Variants in MAP3K20 observed in about 807,000 individuals in gnomAD.
MAP3K20 encodes the protein mitogen-activated protein kinase kinase kinase 20.
A neutral mutation model predicts 85.7 loss-of-function variants in MAP3K20; 40 were observed. The ratio of observed to expected loss-of-function variants is 0.47; its 90% CI spans 0.36 to 0.61. The LOEUF (loss-of-function observed/expected upper bound fraction) is 0.61, where lower values mean the gene tolerates loss of function less well. MAP3K20 is among the 20% of genes least tolerant of loss of function. The pLI, the probability that MAP3K20 is intolerant of heterozygous loss-of-function variation, is 0.00. For missense variants in MAP3K20, 817 were observed against 961.7 expected (o/e 0.85, Z 1.99); for synonymous variants, 325 against 327.7 (o/e 0.99, Z 0.09).
chr2:173,141,923 A>G (rs1688987187), intron 2 of MAP3K20, among the ~76,000 whole-genome samples: 1 of 152,376 alleles, frequency 6.6e-6, no homozygotes, highest in Non-Finnish European at 1.5e-5. Flanking sequence ...GACCTGTAAT[A>G]TGCCAAAAGA....
chr2:173,214,755 A>G (rs1051945512), intron 10 of MAP3K20, among the ~76,000 whole-genome samples: 9 of 152,268 alleles, frequency 5.9e-5, no homozygotes, highest in African/African-American at 1.7e-4. Context: ...CAAGAAGACC[A>G]TAATTTTCAT....
At chr2:173,096,011 C>T (rs1212371935) in intron 2 of MAP3K20, among the ~76,000 whole-genome samples, 4 of 152,148 alleles carry the variant, frequency 2.6e-5, no homozygotes, top group Admixed American at 2.6e-4. Context: ...TAAATATTTG[C>T]ATACCTACCA....
At chr2:173,185,658 T>C (rs78557324) in intron 4 of MAP3K20, among the ~76,000 whole-genome samples, 4,032 of 152,330 alleles carry the variant, frequency 0.026, 175 homozygotes, top group African/African-American at 0.091. Flanking sequence ...GGTTGATTCA[T>C]GCATTTTAAA....
intron 16 of MAP3K20, among the ~76,000 whole-genome samples, chr2:173,250,045 TA>T (rs1292816576): frequency 6.6e-6 from 1 of 152,196 alleles, no homozygotes; most frequent in Non-Finnish European, 1.5e-5. Flanking sequence ...TTGTTAAGGG[TA>T]TAACGCATTT....
At chr2:173,114,579 G>C (rs758763210) in intron 2 of MAP3K20, among the ~76,000 whole-genome samples, 1 of 152,186 alleles carries the variant, frequency 6.6e-6, no homozygotes, top group South Asian at 2.1e-4. Flanking sequence ...CCTTTTAGCA[G>C]TTCTTGTAGT....
At chr2:173,223,485 G>T in intron 11 of MAP3K20, 1 of 985,344 alleles carries the variant, frequency 1.0e-6, no homozygotes, top group Non-Finnish European at 1.2e-6. Context: ...AAAAATAAGT[G>T]ATTTCAGTAA....
intron 16 of MAP3K20, among the ~76,000 whole-genome samples, chr2:173,257,957 A>C (rs963630682): frequency 6.6e-6 from 1 of 152,212 alleles, no homozygotes; most frequent in African/African-American, 2.4e-5. Flanking sequence ...AATTTAATTA[A>C]CATACTATCG....
intron 16 of MAP3K20, among the ~76,000 whole-genome samples, chr2:173,244,650 A>G (rs1559297156): frequency 6.6e-6 from 1 of 152,196 alleles, no homozygotes; most frequent in East Asian, 1.9e-4. Flanking sequence ...CTGTAAACCT[A>G]TATAAAACAG....
Position 173,239,458 on chromosome 2 carries a change from G to T in MAP3K20, c.1321G>T (p.Val441Phe). 1 of 1,613,612 alleles carries T rather than the reference G, an allele frequency of 6.2e-7. No individual in the cohort carries two copies. The highest frequency in any genetic ancestry group is 8.5e-7 in the Non-Finnish European group (1 of 1,179,876). Residue 441 changes from valine (V) to phenylalanine (F), a missense_variant, in exon 16 of 20, where the codon GTT becomes TTT. Physicochemically the swap from Val to Phe is conservative, Grantham distance 50. Around this residue, in one of 4 missense-constraint regions of MAP3K20, gnomAD observed 454 missense variants for 476.9 expected, o/e 0.95. Coordinates refer to ENST00000375213, the MANE Select transcript of MAP3K20 (RefSeq NM_016653.3). ...GGAAAAAATAGTGAACCTGGAACTG[G>T]TTTTTGGTTTTCACTTGAAACCAGG... Reference protein sequence around the residue: ...NEEKIVNLELVFGFHLKPGTG... With the variant: ...NEEKIVNLELFFGFHLKPGTG...
At chr2:173,134,366 TTG>T (rs72052198) in intron 2 of MAP3K20, among the ~76,000 whole-genome samples, 23,035 of 78,684 alleles carry the variant, frequency 0.29, 4,718 homozygotes, top group African/African-American at 0.42. Flanking sequence ...CCTGGCTAAA[TTG>T]TGTGTGTGTG....
At chr2:173,111,863 C>G (rs757274214) in intron 2 of MAP3K20, among the ~76,000 whole-genome samples, 2 of 152,066 alleles carry the variant, frequency 1.3e-5, no homozygotes, top group African/African-American at 4.8e-5. Context: ...AGTGTGATGC[C>G]TCCAGATTTA....
At chr2:173,080,537 ACTC>A (rs1379270898) in intron 1 of MAP3K20, among the ~76,000 whole-genome samples, 1 of 152,188 alleles carries the variant, frequency 6.6e-6, no homozygotes, top group Non-Finnish European at 1.5e-5. Flanking sequence ...GAAAAAGTGA[ACTC>A]CTGAGATAAT....
intron 2 of MAP3K20, among the ~76,000 whole-genome samples, chr2:173,101,898 G>A (rs1282876734): frequency 6.6e-6 from 1 of 152,110 alleles, no homozygotes; most frequent in Non-Finnish European, 1.5e-5. Flanking sequence ...TCCCGGTTAG[G>A]ACATCCAGTT....
At chr2:173,110,713 A>G (rs757055122) in intron 2 of MAP3K20, among the ~76,000 whole-genome samples, 7 of 152,042 alleles carry the variant, frequency 4.6e-5, no homozygotes, top group Non-Finnish European at 1.0e-4. Context: ...TAGAATAATA[A>G]TCTCCTCCAA....
chr2:173,127,405 T>C (rs1352898919), intron 2 of MAP3K20, among the ~76,000 whole-genome samples: 1 of 152,244 alleles, frequency 6.6e-6, no homozygotes, highest in Admixed American at 6.5e-5. Context: ...GAAATTTTGC[T>C]TTTTGAAGAT....
At chr2:173,091,339 A>G in intron 2 of MAP3K20, 149 bp downstream of exon 2, 7 of 740,892 alleles carry the variant, frequency 9.4e-6, no homozygotes, top group Non-Finnish European at 1.4e-5. Context: ...CCATTCTGGG[A>G]GCCCCATAAA....
chr2:173,188,750 GTTC>G (rs1690566639), intron 5 of MAP3K20, among the ~76,000 whole-genome samples: 1 of 152,042 alleles, frequency 6.6e-6, no homozygotes, highest in African/African-American at 2.4e-5. Flanking sequence ...GTATTCTTTG[GTTC>G]TTCTTAGACT....
At chr2:173,185,318 C>T (rs1023369047) in intron 4 of MAP3K20, among the ~76,000 whole-genome samples, 4 of 152,122 alleles carry the variant, frequency 2.6e-5, no homozygotes, top group African/African-American at 9.7e-5. Flanking sequence ...AATAAAATCC[C>T]TTTTGCCTGT....
chr2:173,196,955 GTT>G lies in MAP3K20; in HGVS notation c.583-1060_583-1059del, dbSNP rs11305049. Among the ~76,000 whole-genome samples the G allele has an allele frequency of 2.1e-4, 32 of 149,582 alleles. 1 individual carries two copies. The highest frequency in any genetic ancestry group is 5.4e-4 in the African/African-American group (22 of 40,818). On this transcript the variant is annotated intron_variant, in intron 7 of 19. Transcript: ENST00000375213. ...TGGATAACTGACTGTCTTTGGGCAA[GTT>G]TTTTTTTTTTAACTTTTTAAATAGT...
Sources: allele counts gnomAD v4.1 joint callset (sites outside exome capture counted in the v4.1 genomes callset), GRCh38; gene constraint gnomAD v4.1.1; regional missense constraint gnomAD v4.1.1; transcripts MANE v1.5; gene names NCBI Gene and HGNC (gene_info 2026-07-23, HGNC 2026-07-21).